Variants in WDR7 observed in about 807,000 individuals in gnomAD.
WDR7 encodes the protein WD repeat domain 7, also known as WD repeat-containing protein 7.
In WDR7, 46 loss-of-function variants were observed where a neutral mutation model predicts 169.4. The observed-to-expected ratio is 0.27, with a 90% CI of 0.21 to 0.35. WDR7 has a LOEUF of 0.35. Ranked by LOEUF, WDR7 falls within the 10% of genes least tolerant of loss-of-function variation. The pLI is 1.00. For missense variants in WDR7, 1,534 were observed against 1,859.3 expected, an observed-to-expected ratio of 0.83 and a Z score of 3.22; for synonymous variants, 612 against 666.8, an observed-to-expected ratio of 0.92 and a Z score of 1.27.
intron 10 of WDR7, 67 bp downstream of exon 10, chr18:56,694,827 A>G: frequency 6.5e-7 from 1 of 1,541,038 alleles, no homozygotes; most frequent in Non-Finnish European, 8.8e-7. Context: ...CTACTGAATA[A>G]CATTCATAAT....
intron 26 of WDR7, among the ~76,000 whole-genome samples, chr18:56,967,868 T>C (rs1467529146): frequency 6.6e-6 from 1 of 152,236 alleles, no homozygotes; most frequent in African/African-American, 2.4e-5. Flanking sequence ...TAACATCTAA[T>C]ACTATGTAAA....
intron 26 of WDR7, among the ~76,000 whole-genome samples, chr18:56,998,369 G>A (rs183014277): frequency 6.6e-6 from 1 of 152,290 alleles, no homozygotes; most frequent in East Asian, 1.9e-4. Flanking sequence ...TAGGCATAAT[G>A]CAGGTATTTT....
At chr18:56,726,452 TTGTC>T (rs905386711) in intron 13 of WDR7, among the ~76,000 whole-genome samples, 8 of 152,302 alleles carry the variant, frequency 5.3e-5, no homozygotes, top group African/African-American at 1.9e-4. Flanking sequence ...GGCTCTCTGT[TTGTC>T]TGTTATCAGA....
intron 21 of WDR7, among the ~76,000 whole-genome samples, chr18:56,920,047 C>T (rs370462153): frequency 2.4e-4 from 37 of 152,106 alleles, no homozygotes; most frequent in Middle Eastern, 3.4e-3. Context: ...TTCATCCCCC[C>T]GCCCTCTTCT....
chr18:56,654,342 G>A (rs2024720669), intron 1 of WDR7, among the ~76,000 whole-genome samples: 1 of 152,174 alleles, frequency 6.6e-6, no homozygotes, highest in South Asian at 2.1e-4. Flanking sequence ...ATGTTGGCCA[G>A]GATGGTCTCG....
At chr18:56,945,661 TCA>T (rs1178193458) in intron 25 of WDR7, among the ~76,000 whole-genome samples, 2 of 152,262 alleles carry the variant, frequency 1.3e-5, no homozygotes, top group African/African-American at 2.4e-5. Flanking sequence ...AAGAATGATC[TCA>T]GAGTACTGTT....
At chr18:56,927,680 A>G (rs1176374032) in intron 22 of WDR7, among the ~76,000 whole-genome samples, 1 of 152,240 alleles carries the variant, frequency 6.6e-6, no homozygotes, top group African/African-American at 2.4e-5. Context: ...ATGCAACTTT[A>G]CATCTTTGAA....
intron 25 of WDR7, among the ~76,000 whole-genome samples, chr18:56,961,355 T>C (rs960487222): frequency 2.0e-5 from 3 of 152,026 alleles, no homozygotes; most frequent in African/African-American, 7.2e-5. Context: ...TCCCCCCTTA[T>C]AAAATATAAA....
rs963523367 is a variant in WDR7 at position 56,681,233 on chromosome 18, T to C, written c.267-80T>C. 4.1e-6 allele frequency: 4 copies of C among 969,026 alleles called. No individual in the cohort carries two copies. In the African/African-American group the frequency reaches 6.9e-5, roughly 17 times the overall value. The allele number at this position is 969,026 out of a possible 1,614,324, so 60.0% of individuals were successfully genotyped here. On this transcript the variant is annotated intron_variant, in intron 3 of 27. Transcript: ENST00000254442. Reference sequence around the variant, plus strand: ...GAAATATATTAGTTTTAATGGAAGATTAATTTTAAATCACTGTGACAAAGT... The same window carrying C: ...GAAATATATTAGTTTTAATGGAAGACTAATTTTAAATCACTGTGACAAAGT...
intron 24 of WDR7, 113 bp downstream of exon 24, chr18:56,938,795 G>C (rs1182679569): frequency 1.6e-6 from 2 of 1,270,800 alleles, no homozygotes; most frequent in Non-Finnish European, 2.2e-6. Context: ...TGAAGGGTGA[G>C]AGAGAAAGAA....
intron 25 of WDR7, among the ~76,000 whole-genome samples, chr18:56,952,216 C>A (rs1195533901): frequency 6.6e-6 from 1 of 152,176 alleles, no homozygotes; most frequent in East Asian, 1.9e-4. Context: ...GGTGAGACAG[C>A]GAATTCCAGG....
At chr18:56,905,592 A>G (rs1053056803) in intron 21 of WDR7, among the ~76,000 whole-genome samples, 6 of 149,474 alleles carry the variant, frequency 4.0e-5, no homozygotes, top group African/African-American at 1.5e-4. Flanking sequence ...AGCAGTAACT[A>G]CATGAAATTT....
chr18:57,028,364 C>G lies in WDR7; in HGVS notation c.*1157C>G, dbSNP rs1013227062. On this transcript the variant is annotated 3_prime_UTR_variant, in exon 28 of 28. Coordinates refer to ENST00000254442, the MANE Select transcript of WDR7 (RefSeq NM_015285.3). The stretch of plus-strand genomic sequence containing the variant: ...CATTATGCTTCTAAGTAAGCTTTAA[C>G]TAGACCACTTTCTTCTTATGTCAGA... 21 of 152,146 alleles carry G rather than the reference C, an allele frequency of 1.4e-4. No individual in the cohort carries two copies. Among genetic ancestry groups the G allele is most frequent in the Admixed American group, 9.2e-4 (14 of 15,270 alleles). 9.4% of individuals were successfully genotyped at this position (152,146 alleles called of 1,614,324 possible). A position where few individuals can be genotyped will look rare whatever the true frequency, so the allele number is the denominator to read the frequency against.
rs77969880 is a variant in WDR7, at chr18:56,809,542, T to C, written c.3191-6489T>C. ...TAATTAATTGACAATATTTATAACT[T>C]TGATATACAAAATACCCTGAAATTT... On this transcript the variant is annotated intron_variant, in intron 19 of 27. Transcript: ENST00000254442. Among the ~76,000 whole-genome samples, 1,238 of 152,224 alleles carry C rather than the reference T, an allele frequency of 8.1e-3. 19 individuals carry two copies. The highest frequency in any genetic ancestry group is 0.026 in the African/African-American group (1,087 of 41,552).
intron 20 of WDR7, among the ~76,000 whole-genome samples, chr18:56,875,723 T>A (rs2046013058): frequency 6.6e-6 from 1 of 152,240 alleles, no homozygotes; most frequent in Non-Finnish European, 1.5e-5. Flanking sequence ...ACATTTCCAA[T>A]GCCTGTTTAG....
chr18:57,006,735 T>C (rs1487454455), intron 26 of WDR7, among the ~76,000 whole-genome samples: 1 of 152,220 alleles, frequency 6.6e-6, no homozygotes, highest in Non-Finnish European at 1.5e-5. Flanking sequence ...CAGCATTTTT[T>C]GCATTGATTC....
chr18:56,986,372 C>T (rs2047720115), intron 26 of WDR7, among the ~76,000 whole-genome samples: 1 of 152,064 alleles, frequency 6.6e-6, no homozygotes, highest in East Asian at 1.9e-4. Flanking sequence ...TATCAAACTA[C>T]CAACACTTTG....
chr18:56,719,035 T>C (rs1192875398), intron 13 of WDR7, among the ~76,000 whole-genome samples: 1 of 152,222 alleles, frequency 6.6e-6, no homozygotes, highest in South Asian at 2.1e-4. Context: ...TGGTAGTACA[T>C]AGGCAATCTT....
intron 20 of WDR7, among the ~76,000 whole-genome samples, chr18:56,860,491 T>TA (rs1282091171): frequency 6.6e-6 from 1 of 152,028 alleles, no homozygotes; most frequent in Non-Finnish European, 1.5e-5. Context: ...CCTCTTCTAA[T>TA]AAAAAAATCA....
Sources: gnomAD v4.1 joint callset for allele counts (sites outside exome capture counted in the v4.1 genomes callset) on GRCh38, gnomAD v4.1.1 for gene constraint, MANE v1.5 for transcripts, NCBI Gene and HGNC (gene_info 2026-07-23, HGNC 2026-07-21) for gene names.